Variants in TRAPPC12 observed in about 807,000 individuals in gnomAD.
The protein encoded by TRAPPC12 is TPR repeat protein 15.
A neutral mutation model predicts 69.2 loss-of-function variants in TRAPPC12; 61 were observed. The observed-to-expected ratio is 0.88, with a 90% CI of 0.72 to 1.09. The LOEUF is 1.09. TRAPPC12 is among the 50% of genes least tolerant of loss of function. The pLI is 0.00. For synonymous variants in TRAPPC12, 469 were observed against 438.9 expected (o/e 1.07, Z -0.86); for missense variants, 1,101 against 1,016.4 (o/e 1.08, Z -1.13).
intron 3 of TRAPPC12, among the ~76,000 whole-genome samples, chr2:3,417,611 T>C (rs1442646278): frequency 1.3e-5 from 2 of 152,162 alleles, no homozygotes; most frequent in Admixed American, 6.5e-5. Context: ...CCTAGCACAG[T>C]GCCTGGTTCA....
At chr2:3,463,637 G>A (rs1044157030) in intron 8 of TRAPPC12, among the ~76,000 whole-genome samples, 1 of 151,310 alleles carries the variant, frequency 6.6e-6, no homozygotes, top group African/African-American at 2.4e-5. Context: ...TGATGCGGCT[G>A]GCCACGGCAT....
intron 3 of TRAPPC12, among the ~76,000 whole-genome samples, chr2:3,418,817 C>T (rs1485638047): frequency 1.3e-5 from 2 of 152,206 alleles, no homozygotes; most frequent in African/African-American, 4.8e-5. Flanking sequence ...AGACAGGGGC[C>T]TTCAAATGTG....
At chr2:3,391,519 C>T (rs1660824549) in intron 2 of TRAPPC12, among the ~76,000 whole-genome samples, 1 of 152,178 alleles carries the variant, frequency 6.6e-6, no homozygotes, top group South Asian at 2.1e-4. Context: ...GTTTTACGGG[C>T]AGTCTTTCCA....
rs368196628 is a variant in TRAPPC12 at position 3,388,234 on chromosome 2, C to T, written c.611C>T (p.Pro204Leu). The T allele has an allele frequency of 1.1e-4, 175 of 1,608,892 alleles. No homozygotes were observed. Among genetic ancestry groups the T allele is most frequent in the Middle Eastern group, 8.3e-4 (5 of 6,046 alleles). ...RTPPQVVQPS[P>L]SLSTFFGDTA... Reference sequence around the variant, plus strand: ...CCGCCCCAGGTCGTGCAGCCCAGCCCCAGCCTCAGCACGTTCTTCGGAGAC... The same window carrying T: ...CCGCCCCAGGTCGTGCAGCCCAGCCTCAGCCTCAGCACGTTCTTCGGAGAC... The change falls in exon 2 of 12, where the codon CCC becomes CTC. Residue 204 changes from proline (P) to leucine (L), a missense_variant. By Grantham distance (98) the Pro-to-Leu change is moderately conservative. Transcript: ENST00000324266.
intron 5 of TRAPPC12, among the ~76,000 whole-genome samples, chr2:3,426,633 TG>T (rs781425485): frequency 6.6e-5 from 10 of 152,264 alleles, no homozygotes; most frequent in Non-Finnish European, 1.0e-4. Context: ...CCCAGGAGTC[TG>T]GCTTTTGCAG....
intron 1 of TRAPPC12, among the ~76,000 whole-genome samples, chr2:3,385,762 A>G (rs1462551009): frequency 6.6e-6 from 1 of 152,246 alleles, no homozygotes; most frequent in African/African-American, 2.4e-5. Context: ...TATTTCTAAA[A>G]TAAAATACGC....
intron 1 of TRAPPC12, among the ~76,000 whole-genome samples, chr2:3,380,828 C>T (rs1355812520): frequency 6.6e-6 from 1 of 152,224 alleles, no homozygotes; most frequent in Admixed American, 6.5e-5. Flanking sequence ...GCTCTTCACA[C>T]TTTAAAAGAT....
intron 9 of TRAPPC12, among the ~76,000 whole-genome samples, chr2:3,473,358 GA>G (rs1200624363): frequency 5.3e-5 from 8 of 152,240 alleles, no homozygotes; most frequent in Non-Finnish European, 1.2e-4. Context: ...AGCCTGGGGG[GA>G]TTTGCCCAGT....
At chr2:3,413,282 G>A (rs1488321594) in intron 3 of TRAPPC12, among the ~76,000 whole-genome samples, 1 of 152,140 alleles carries the variant, frequency 6.6e-6, no homozygotes, top group Non-Finnish European at 1.5e-5. Flanking sequence ...AGGAAATATG[G>A]TCTTGGTTTC....
In TRAPPC12 at chr2:3,388,163, G is replaced by A; in HGVS notation, c.540G>A (p.Val180=). 1 of 1,607,568 alleles carries A rather than the reference G, an allele frequency of 6.2e-7. No homozygotes were observed. Among genetic ancestry groups the A allele is most frequent in the Non-Finnish European group, 8.5e-7 (1 of 1,177,398 alleles). The change falls in exon 2 of 12, where the codon GTG becomes GTA. Residue 180 remains valine, a synonymous_variant. Coordinates refer to ENST00000324266, the MANE Select transcript of TRAPPC12 (RefSeq NM_016030.6). The stretch of plus-strand genomic sequence containing the variant: ...GGGACGGCTTCGAGCCGCAGATGGT[G>A]AAGTCGCCCAGCTTCGGTGGCGCCA... ...ASGDGFEPQM[V]KSPSFGGASE...
At chr2:3,441,208 G>C (rs549755370) in intron 5 of TRAPPC12, among the ~76,000 whole-genome samples, 3 of 152,222 alleles carry the variant, frequency 2.0e-5, no homozygotes, top group African/African-American at 7.2e-5. Flanking sequence ...ACTCATATAA[G>C]AAGTTAGAAA....
chr2:3,444,211 C>A (rs117657410), intron 6 of TRAPPC12, among the ~76,000 whole-genome samples: 6 of 152,344 alleles, frequency 3.9e-5, no homozygotes, highest in East Asian at 3.9e-4. Context: ...TGCCAGACCA[C>A]CCCTGTGTCC....
At chr2:3,440,701 G>A (rs543400460) in intron 5 of TRAPPC12, among the ~76,000 whole-genome samples, 1 of 152,274 alleles carries the variant, frequency 6.6e-6, no homozygotes, top group South Asian at 2.1e-4. Flanking sequence ...ACAATGTTCA[G>A]TAGAAGAGAT....
At chr2:3,461,403 G>A (rs117142765) in intron 8 of TRAPPC12, among the ~76,000 whole-genome samples, 1,657 of 152,354 alleles carry the variant, frequency 0.011, 31 homozygotes, top group East Asian at 0.075. Context: ...GCGCTTCTGC[G>A]TCTACGTCAG....
intron 4 of TRAPPC12, among the ~76,000 whole-genome samples, chr2:3,423,250 A>T (rs2103057694): frequency 6.6e-6 from 1 of 152,254 alleles, no homozygotes; most frequent in South Asian, 2.1e-4. Context: ...AAACCCTCAG[A>T]CCATGACAGG....
At chr2:3,393,131 TAAAGA>T (rs989774772) in intron 2 of TRAPPC12, among the ~76,000 whole-genome samples, 31 of 152,248 alleles carry the variant, frequency 2.0e-4, no homozygotes, top group Admixed American at 6.5e-4. Context: ...AAAATGTTTT[TAAAGA>T]AAAGAAAATA....
chr2:3,446,124 C>A (rs1664493435), intron 6 of TRAPPC12, among the ~76,000 whole-genome samples: 1 of 152,214 alleles, frequency 6.6e-6, no homozygotes, highest in Non-Finnish European at 1.5e-5. Flanking sequence ...CTCGTTCCCT[C>A]CGCTGGTCTA....
At chr2:3,464,368 G>C (rs562424138) in intron 8 of TRAPPC12, among the ~76,000 whole-genome samples, 13 of 151,236 alleles carry the variant, frequency 8.6e-5, no homozygotes, top group Non-Finnish European at 1.2e-4. Context: ...AGTCGTTTTG[G>C]GTTTTTTTTG....
At chr2:3,459,184 G>C (rs1216243796) in intron 7 of TRAPPC12, among the ~76,000 whole-genome samples, 1 of 152,242 alleles carries the variant, frequency 6.6e-6, no homozygotes, top group Non-Finnish European at 1.5e-5. Flanking sequence ...ACGGCTCCCA[G>C]TGCCCAGCGA....
Sources: allele counts gnomAD v4.1 joint callset (sites outside exome capture counted in the v4.1 genomes callset), GRCh38; gene constraint gnomAD v4.1.1; transcripts MANE v1.5; gene names NCBI Gene and HGNC (gene_info 2026-07-23, HGNC 2026-07-21).